Variants in THSD7B observed in about 807,000 individuals in gnomAD.
The protein encoded by THSD7B is thrombospondin type 1 domain containing 7B, also known as thrombospondin type-1 domain-containing protein 7B.
A neutral mutation model predicts 213.6 loss-of-function variants in THSD7B; 138 were observed. The ratio of observed to expected loss-of-function variants is 0.65; its 90% confidence interval spans 0.56 to 0.74. THSD7B has a LOEUF of 0.74. THSD7B is among the 30% of genes least tolerant of loss of function. The pLI is 0.00. For synonymous variants in THSD7B, 742 were observed against 687.0 expected, an observed-to-expected ratio of 1.08 and a Z score of -1.25; for missense variants, 1,931 against 1,991.5, an observed-to-expected ratio of 0.97 and a Z score of 0.58.
At chr2:137,621,453 C>T (rs9287478) in intron 20 of THSD7B, among the ~76,000 whole-genome samples, 54,439 of 152,066 alleles carry the variant, frequency 0.36, 11,755 homozygotes, top group African/African-American at 0.6. Flanking sequence ...CATTACTACA[C>T]GATCCCAGAA....
At chr2:137,214,836 A>T (rs1195028425) in intron 7 of THSD7B, among the ~76,000 whole-genome samples, 1 of 152,052 alleles carries the variant, frequency 6.6e-6, no homozygotes, top group Non-Finnish European at 1.5e-5. Context: ...TCTATCGCTG[A>T]TGGGCATTTG....
chr2:137,290,276 A>C (rs998650293), intron 12 of THSD7B, among the ~76,000 whole-genome samples: 6 of 151,974 alleles, frequency 3.9e-5, no homozygotes, highest in Admixed American at 3.9e-4. Flanking sequence ...TTTTTAGTAG[A>C]GAAAGGGTTT....
At chr2:136,980,830 G>A (rs1685564186) in intron 2 of THSD7B, among the ~76,000 whole-genome samples, 2 of 152,192 alleles carry the variant, frequency 1.3e-5, no homozygotes, top group South Asian at 4.1e-4. Flanking sequence ...TGGCAGGGTA[G>A]CACAATCACT....
chr2:137,598,507 GGC>G (rs1682007776), intron 17 of THSD7B, among the ~76,000 whole-genome samples: 1 of 152,130 alleles, frequency 6.6e-6, no homozygotes. Context: ...CATTTACACT[GGC>G]TTGTACAGTA....
intron 17 of THSD7B, among the ~76,000 whole-genome samples, chr2:137,589,232 T>TA (rs947780052): frequency 2.8e-4 from 42 of 152,258 alleles, no homozygotes; most frequent in African/African-American, 9.1e-4. Context: ...ATTTGTAAAA[T>TA]AAAAAAATAC....
At chr2:137,240,573 T>G (rs946932475) in intron 9 of THSD7B, among the ~76,000 whole-genome samples, 13 of 152,096 alleles carry the variant, frequency 8.5e-5, no homozygotes, top group African/African-American at 3.1e-4. Flanking sequence ...TGCAGGGGTA[T>G]GATCATAGCT....
chr2:137,126,383 C>A (rs1250165662), intron 5 of THSD7B, among the ~76,000 whole-genome samples: 1 of 152,126 alleles, frequency 6.6e-6, no homozygotes, highest in Non-Finnish European at 1.5e-5. Context: ...CACTTTGCAC[C>A]TTTTTGCTAT....
intron 20 of THSD7B, among the ~76,000 whole-genome samples, chr2:137,638,815 C>A: frequency 6.6e-6 from 1 of 152,080 alleles, no homozygotes; most frequent in East Asian, 1.9e-4. Context: ...TGGCATTTTG[C>A]CCCTGCCCTA....
intron 3 of THSD7B, among the ~76,000 whole-genome samples, chr2:137,060,986 A>G (rs977610548): frequency 6.6e-6 from 1 of 151,822 alleles, no homozygotes; most frequent in Non-Finnish European, 1.5e-5. Flanking sequence ...GGTACATAGG[A>G]TATCTCTCCA....
At chr2:137,083,210 C>CGG in intron 3 of THSD7B, among the ~76,000 whole-genome samples, 1 of 152,062 alleles carries the variant, frequency 6.6e-6, no homozygotes. Flanking sequence ...GTTGTAAACA[C>CGG]TAAACTTAGG....
At chr2:136,922,602 T>C (rs766041085) in intron 2 of THSD7B, among the ~76,000 whole-genome samples, 10 of 152,238 alleles carry the variant, frequency 6.6e-5, no homozygotes, top group Non-Finnish European at 1.2e-4. Context: ...GGAATATAGA[T>C]ATGAGACATA....
intron 15 of THSD7B, among the ~76,000 whole-genome samples, chr2:137,472,602 C>CGGG (rs1395587016): frequency 1.3e-5 from 2 of 152,094 alleles, no homozygotes; most frequent in African/African-American, 4.8e-5. Flanking sequence ...TCTTTTACAA[C>CGGG]GGGTTGTTTT....
chr2:136,857,288 A>G (rs1683192272), intron 1 of THSD7B, among the ~76,000 whole-genome samples: 1 of 152,210 alleles, frequency 6.6e-6, no homozygotes, highest in African/African-American at 2.4e-5. Context: ...TCTCCATGTG[A>G]CACTGGGCAT....
chr2:137,436,811 C>T (rs1451144058), intron 14 of THSD7B, among the ~76,000 whole-genome samples: 1 of 152,094 alleles, frequency 6.6e-6, no homozygotes, highest in African/African-American at 2.4e-5. Context: ...TGTTTTCTTT[C>T]TCCAATTCTT....
intron 17 of THSD7B, among the ~76,000 whole-genome samples, chr2:137,583,580 A>G (rs1454011575): frequency 4.6e-5 from 7 of 152,170 alleles, no homozygotes; most frequent in Non-Finnish European, 8.8e-5. Flanking sequence ...TCCCAGCACC[A>G]TTTATTAAAT....
At position 137,226,159 on chromosome 2, in the gene THSD7B, A is replaced by T. The variant is rs182723456; in HGVS notation, c.1724-4885A>T. Among the ~76,000 whole-genome samples the T allele has an allele frequency of 2.6e-5, 4 of 151,938 alleles. No individual in the cohort carries two copies. In the East Asian group the frequency reaches 7.7e-4, roughly 29 times the overall value. ...TAAGTAGGACATAAAATTTTATGAC[A>T]TGTAGAGTATTTTCGATAACTGTTT... On this transcript the variant is annotated intron_variant, in intron 7 of 27. Coordinates refer to ENST00000409968, the MANE Select transcript of THSD7B (RefSeq NM_001316349.2).
intron 12 of THSD7B, among the ~76,000 whole-genome samples, chr2:137,362,498 G>A (rs1342693703): frequency 6.6e-6 from 1 of 152,102 alleles, no homozygotes; most frequent in Non-Finnish European, 1.5e-5. Flanking sequence ...CATCTCACAT[G>A]CAGAGACACA....
At chr2:137,522,989 A>G (rs1339548688) in intron 15 of THSD7B, among the ~76,000 whole-genome samples, 1 of 152,204 alleles carries the variant, frequency 6.6e-6, no homozygotes, top group Admixed American at 6.5e-5. Context: ...TACTAAACAG[A>G]CATGTATGTT....
At chr2:137,143,596 G>C (rs192874849) in intron 5 of THSD7B, among the ~76,000 whole-genome samples, 20 of 152,256 alleles carry the variant, frequency 1.3e-4, no homozygotes, top group African/African-American at 4.3e-4. Flanking sequence ...ATTGCTAAGA[G>C]GTTACAAAAG....
Sources: allele counts gnomAD v4.1 joint callset (sites outside exome capture counted in the v4.1 genomes callset), GRCh38; gene constraint gnomAD v4.1.1; transcripts MANE v1.5; gene names NCBI Gene and HGNC (gene_info 2026-07-23, HGNC 2026-07-21).